The following HCN1 variants were observed in gnomAD, a reference collection of about 807,000 sequenced individuals.
HCN1 encodes potassium/sodium hyperpolarization-activated cyclic nucleotide-gated channel 1.
HCN1 carries 13 observed loss-of-function variants against 78.9 expected under a neutral mutation model. The observed-to-expected ratio is 0.16, with a 90% confidence interval of 0.11 to 0.26. The LOEUF (loss-of-function observed/expected upper bound fraction) is 0.26, where lower values mean the gene tolerates loss of function less well. Ranked by LOEUF, HCN1 falls within the 10% of genes least tolerant of loss-of-function variation. The pLI is 1.00. For synonymous variants in HCN1, 552 were observed against 455.5 expected (o/e 1.21, Z -2.70); for missense variants, 810 against 1,154.3 (o/e 0.70, Z 4.32).
chr5:45,353,645 T>G (rs1746955157), intron 4 of HCN1, among the ~76,000 whole-genome samples: 1 of 152,000 alleles, frequency 6.6e-6, no homozygotes, highest in Non-Finnish European at 1.5e-5. Context: ...TACCTATGGA[T>G]AGTACAATAG....
intron 2 of HCN1, among the ~76,000 whole-genome samples, chr5:45,580,805 C>T (rs982813102): frequency 4.5e-4 from 68 of 151,986 alleles, no homozygotes; most frequent in African/African-American, 1.6e-3. Context: ...TTTTTGTCCT[C>T]GCGATAGTTT....
At chr5:45,396,257 G>T (rs1394256866) in intron 4 of HCN1, among the ~76,000 whole-genome samples, 1 of 152,036 alleles carries the variant, frequency 6.6e-6, no homozygotes, top group African/African-American at 2.4e-5. Context: ...TTTTTCTGTA[G>T]ATGTAAAGTC....
intron 2 of HCN1, among the ~76,000 whole-genome samples, chr5:45,486,918 T>C (rs1741775349): frequency 6.6e-6 from 1 of 152,066 alleles, no homozygotes; most frequent in South Asian, 2.1e-4. Context: ...CTATGTTAGG[T>C]GGTAAATTAG....
chr5:45,630,465 T>C (rs1745252241), intron 2 of HCN1, among the ~76,000 whole-genome samples: 1 of 152,222 alleles, frequency 6.6e-6, no homozygotes, highest in Non-Finnish European at 1.5e-5. Flanking sequence ...GAATAGCATG[T>C]GGCTCCACAG....
intron 6 of HCN1, among the ~76,000 whole-genome samples, chr5:45,298,035 T>C (rs1343099940): frequency 6.6e-6 from 1 of 152,024 alleles, no homozygotes; most frequent in East Asian, 1.9e-4. Flanking sequence ...AGGTGGATGC[T>C]TTCTCCCAAA....
At chr5:45,544,527 G>A (rs1316741999) in intron 2 of HCN1, among the ~76,000 whole-genome samples, 1 of 151,936 alleles carries the variant, frequency 6.6e-6, no homozygotes, top group Non-Finnish European at 1.5e-5. Flanking sequence ...CATGTGCCAT[G>A]TTGGTGTGCT....
intron 2 of HCN1, among the ~76,000 whole-genome samples, chr5:45,597,956 G>A (rs1669804049): frequency 6.6e-6 from 1 of 152,144 alleles, no homozygotes; most frequent in South Asian, 2.1e-4. Context: ...TCATGGATAG[G>A]CAGAATCAAC....
At chr5:45,274,270 CCT>C (rs1162888181) in intron 6 of HCN1, among the ~76,000 whole-genome samples, 3 of 151,962 alleles carry the variant, frequency 2.0e-5, no homozygotes, top group Non-Finnish European at 2.9e-5. Flanking sequence ...CTACTCATGC[CCT>C]GTTATTTATG....
chr5:45,429,562 A>C (rs972115782), intron 3 of HCN1, among the ~76,000 whole-genome samples: 7 of 152,192 alleles, frequency 4.6e-5, no homozygotes, highest in African/African-American at 1.4e-4. Context: ...TAATTGATTT[A>C]ATTTCCCAGT....
intron 2 of HCN1, among the ~76,000 whole-genome samples, chr5:45,525,672 G>A (rs1561188838): frequency 6.6e-6 from 1 of 152,002 alleles, no homozygotes; most frequent in Non-Finnish European, 1.5e-5. Context: ...ATGAGAAATA[G>A]GAGGATGAGA....
chr5:45,642,667 C>CA (rs1357087241), intron 2 of HCN1: 1 of 152,084 alleles, frequency 6.6e-6, no homozygotes, highest in African/African-American at 2.4e-5. Flanking sequence ...ATTTTTATTG[C>CA]AAAAGCTCAC....
At chr5:45,620,767 T>C (rs1745044741) in intron 2 of HCN1, among the ~76,000 whole-genome samples, 1 of 152,114 alleles carries the variant, frequency 6.6e-6, no homozygotes, top group South Asian at 2.1e-4. Context: ...CCCCATAATA[T>C]TGCTCCTTTA....
chr5:45,456,393 G>T (rs2111612412), intron 3 of HCN1, among the ~76,000 whole-genome samples: 1 of 152,022 alleles, frequency 6.6e-6, no homozygotes, highest in Non-Finnish European at 1.5e-5. Context: ...ATTTTAGTTA[G>T]CAACACATGC....
chr5:45,487,250 A>G (rs1014924441), intron 2 of HCN1, among the ~76,000 whole-genome samples: 4 of 152,108 alleles, frequency 2.6e-5, no homozygotes, highest in Non-Finnish European at 2.9e-5. Context: ...TAAACTGAAA[A>G]TCTTGTTCAT....
At chr5:45,657,904 T>C (rs1012713448) in intron 1 of HCN1, among the ~76,000 whole-genome samples, 10 of 152,160 alleles carry the variant, frequency 6.6e-5, no homozygotes, top group Non-Finnish European at 1.3e-4. Flanking sequence ...AAAGTTCATA[T>C]GGAACCAAAA....
chr5:45,515,088 T>TA (rs1742491930), intron 2 of HCN1, among the ~76,000 whole-genome samples: 1 of 151,984 alleles, frequency 6.6e-6, no homozygotes, highest in Admixed American at 6.6e-5. Context: ...TTTTTCATGA[T>TA]ATATAGACCC....
intron 5 of HCN1, among the ~76,000 whole-genome samples, chr5:45,347,365 G>C (rs1219355939): frequency 1.3e-5 from 2 of 152,096 alleles, no homozygotes; most frequent in Non-Finnish European, 2.9e-5. Context: ...AAACCCATCT[G>C]TACATCACCA....
chr5:45,345,803 A>G (rs1186271839), intron 5 of HCN1, among the ~76,000 whole-genome samples: 3 of 152,212 alleles, frequency 2.0e-5, no homozygotes, highest in East Asian at 1.9e-4. Context: ...AACGGTTTCA[A>G]TCTCTGCCTG....
chr5:45,467,338 G>C (rs957971979), intron 2 of HCN1, among the ~76,000 whole-genome samples: 1 of 151,908 alleles, frequency 6.6e-6, no homozygotes, highest in Non-Finnish European at 1.5e-5. Context: ...CACGTTATTT[G>C]TCCAGCTATA....
Sources: allele counts gnomAD v4.1 joint callset (sites outside exome capture counted in the v4.1 genomes callset), GRCh38; gene constraint gnomAD v4.1.1; transcripts MANE v1.5; gene names NCBI Gene and HGNC (gene_info 2026-07-23, HGNC 2026-07-21).